Variants in SSBP2 observed in about 807,000 individuals in gnomAD.
SSBP2 encodes single stranded DNA binding protein 2.
In SSBP2, 17 loss-of-function variants were observed where a neutral mutation model predicts 61.8. That is an observed-to-expected ratio of 0.28 (90% CI 0.19 to 0.41). SSBP2 has a LOEUF of 0.41. SSBP2 is among the 10% of genes least tolerant of loss of function. The pLI, the probability that SSBP2 is intolerant of heterozygous loss-of-function variation, is 1.00. For missense variants in SSBP2, 310 were observed against 458.7 expected, an observed-to-expected ratio of 0.68 and a Z score of 2.96; for synonymous variants, 139 against 141.3, an observed-to-expected ratio of 0.98 and a Z score of 0.12.
chr5:81,722,397 G>GTTT lies in SSBP2; in HGVS notation c.62+28581_62+28583dup, dbSNP rs202149161. Among the ~76,000 whole-genome samples the GTTT allele has an allele frequency of 8.4e-3, 1,142 of 136,366 alleles. 14 individuals are homozygous for GTTT. The highest frequency in any genetic ancestry group is 0.023 in the South Asian group (98 of 4,258). 89.5% of individuals were successfully genotyped at this position (136,366 alleles called of 152,430 possible). A position where few individuals can be genotyped will look rare whatever the true frequency, so the allele number is the denominator to read the frequency against. ...GCCTTACTCTCTTCAGTATAATTTT[G>GTTT]TTTTTTTTTTTTTTCAAAATGAGGG... On this transcript the variant is annotated intron_variant, in intron 1 of 16. Coordinates refer to ENST00000320672, the MANE Select transcript of SSBP2 (RefSeq NM_012446.5).
At chr5:81,689,838 T>C (rs933967869) in intron 1 of SSBP2, among the ~76,000 whole-genome samples, 5 of 152,166 alleles carry the variant, frequency 3.3e-5, no homozygotes, top group African/African-American at 1.2e-4. Flanking sequence ...GTTTAAACCA[T>C]TCATATCTGG....
At chr5:81,622,120 TAA>T (rs76185243) in intron 3 of SSBP2, among the ~76,000 whole-genome samples, 13 of 127,062 alleles carry the variant, frequency 1.0e-4, no homozygotes, top group African/African-American at 2.0e-4. Flanking sequence ...AAAAAAAAAT[TAA>T]AAAAAAAAAA....
At chr5:81,548,789 G>A (rs1439479983) in intron 4 of SSBP2, among the ~76,000 whole-genome samples, 1 of 152,124 alleles carries the variant, frequency 6.6e-6, no homozygotes, top group African/African-American at 2.4e-5. Flanking sequence ...AGGTGTGGTG[G>A]TGGGCACCTG....
At chr5:81,587,747 GCACACACACGCGCGCGCACACACACA>G (rs913243451) in intron 4 of SSBP2, among the ~76,000 whole-genome samples, 3 of 128,230 alleles carry the variant, frequency 2.3e-5, no homozygotes, top group African/African-American at 5.8e-5. Flanking sequence ...ACACACACAC[GCACACACACGCGCGCGCACACACACA>G]CACACACACA....
At chr5:81,611,627 T>A (rs990989193) in intron 4 of SSBP2, among the ~76,000 whole-genome samples, 3 of 152,152 alleles carry the variant, frequency 2.0e-5, no homozygotes, top group African/African-American at 7.2e-5. Context: ...AACATCAGCA[T>A]GAAAATAGTA....
intron 4 of SSBP2, among the ~76,000 whole-genome samples, chr5:81,597,587 A>T (rs1380033901): frequency 6.6e-6 from 1 of 152,180 alleles, no homozygotes; most frequent in East Asian, 1.9e-4. Flanking sequence ...TATTCACAAT[A>T]GCAAAGACTT....
intron 1 of SSBP2, among the ~76,000 whole-genome samples, chr5:81,664,099 T>C (rs1281315988): frequency 6.6e-6 from 1 of 150,568 alleles, no homozygotes; most frequent in Non-Finnish European, 1.5e-5. Context: ...GTATGTACTT[T>C]TTTAACTTTT....
chr5:81,668,615 C>T (rs1333684134), intron 1 of SSBP2, among the ~76,000 whole-genome samples: 6 of 152,032 alleles, frequency 3.9e-5, no homozygotes, highest in Admixed American at 3.3e-4. Flanking sequence ...TGAATTACTA[C>T]TTAAATGGCC....
At chr5:81,536,014 C>T (rs999449381) in intron 4 of SSBP2, among the ~76,000 whole-genome samples, 1 of 151,824 alleles carries the variant, frequency 6.6e-6, no homozygotes, top group African/African-American at 2.4e-5. Flanking sequence ...ATAACTGTTA[C>T]AAAAATATAC....
rs375086199 is a variant in SSBP2, at chr5:81,502,102, C to T, written c.372+11526G>A. Among the ~76,000 whole-genome samples, 14 of 152,256 alleles carry T rather than the reference C, an allele frequency of 9.2e-5. No individual in the cohort carries two copies. In the East Asian group the frequency reaches 2.1e-3, roughly 23 times the overall value. ...CAAAACTCCTTGAGTTGGCCATACTCATTGCCTCCAATTTCTCTCCTCTCA... is the reference window on the plus strand; with the variant it reads ...CAAAACTCCTTGAGTTGGCCATACTTATTGCCTCCAATTTCTCTCCTCTCA... On this transcript the variant is annotated intron_variant, in intron 5 of 16. Transcript: ENST00000320672.
At chr5:81,493,692 G>T (rs1357274637) in intron 5 of SSBP2, among the ~76,000 whole-genome samples, 3 of 151,808 alleles carry the variant, frequency 2.0e-5, no homozygotes, top group African/African-American at 7.3e-5. Flanking sequence ...GGAGGCCGGG[G>T]TTGCAGTGAG....
chr5:81,633,202 G>A (rs1439887624), intron 3 of SSBP2, among the ~76,000 whole-genome samples: 3 of 134,672 alleles, frequency 2.2e-5, no homozygotes, highest in African/African-American at 5.8e-5. Flanking sequence ...TGTAACCTCC[G>A]TCTCCCAGGT....
intron 5 of SSBP2, among the ~76,000 whole-genome samples, chr5:81,490,565 T>C (rs1237666581): frequency 6.6e-6 from 1 of 152,166 alleles, no homozygotes; most frequent in Non-Finnish European, 1.5e-5. Context: ...TCATTGACAG[T>C]GCATTACAGA....
chr5:81,579,195 T>C (rs1264893349), intron 4 of SSBP2, among the ~76,000 whole-genome samples: 1 of 152,020 alleles, frequency 6.6e-6, no homozygotes, highest in Non-Finnish European at 1.5e-5. Flanking sequence ...ATATCAGGAA[T>C]AGAATTATGA....
chr5:81,714,268 T>C (rs1420732810), intron 1 of SSBP2, among the ~76,000 whole-genome samples: 1 of 152,222 alleles, frequency 6.6e-6, no homozygotes, highest in Non-Finnish European at 1.5e-5. Flanking sequence ...TAGTATTCCA[T>C]GGTGTATATG....
At chr5:81,661,050 T>G (rs1318487708) in intron 1 of SSBP2, among the ~76,000 whole-genome samples, 1 of 152,104 alleles carries the variant, frequency 6.6e-6, no homozygotes, top group African/African-American at 2.4e-5. Context: ...GACTAATACC[T>G]AATGAATGTG....
In SSBP2 at chr5:81,418,823, G is replaced by A. The variant is rs968879654; in HGVS notation, c.*1681C>T. 2.6e-5 allele frequency: 4 copies of A among 152,108 alleles called. No homozygotes were observed. The highest frequency in any genetic ancestry group is 9.7e-5 in the African/African-American group (4 of 41,414). 9.4% of individuals were successfully genotyped at this position (152,108 alleles called of 1,614,324 possible). A position where few individuals can be genotyped will look rare whatever the true frequency, so the allele number is the denominator to read the frequency against. On this transcript the variant is annotated 3_prime_UTR_variant, in exon 17 of 17. Coordinates refer to ENST00000320672, the MANE Select transcript of SSBP2 (RefSeq NM_012446.5). ...CTGTATATGCAGTCTGTGGTTGATT[G>A]GAATGTCATTATGAGCTGCATGACT...
chr5:81,455,831 C>A (rs1398017944), intron 10 of SSBP2, among the ~76,000 whole-genome samples: 1 of 152,112 alleles, frequency 6.6e-6, no homozygotes, highest in Non-Finnish European at 1.5e-5. Context: ...TACTGTCTGG[C>A]TAATCTAGAC....
chr5:81,631,545 A>G (rs955253082), intron 3 of SSBP2, among the ~76,000 whole-genome samples: 1 of 151,856 alleles, frequency 6.6e-6, no homozygotes, highest in Non-Finnish European at 1.5e-5. Flanking sequence ...GCTGCTGCAG[A>G]AAAGTCACAT....
Sources: allele counts gnomAD v4.1 joint callset (sites outside exome capture counted in the v4.1 genomes callset), GRCh38; gene constraint gnomAD v4.1.1; transcripts MANE v1.5; gene names NCBI Gene and HGNC (gene_info 2026-07-23, HGNC 2026-07-21).